Variants in ATP6V1D observed in about 807,000 individuals in gnomAD.
The protein encoded by ATP6V1D is ATPase H+ transporting V1 subunit D.
ATP6V1D carries 20 observed loss-of-function variants against 39.4 expected under a neutral mutation model. The ratio of observed to expected loss-of-function variants is 0.51; its 90% CI spans 0.36 to 0.74. The LOEUF (loss-of-function observed/expected upper bound fraction) is 0.74. ATP6V1D is among the 30% of genes least tolerant of loss of function. The pLI, the probability that ATP6V1D is intolerant of heterozygous loss-of-function variation, is 0.00. For synonymous variants in ATP6V1D, 100 were observed against 100.5 expected (o/e 0.99, Z 0.03); for missense variants, 228 against 291.6 (o/e 0.78, Z 1.59).
At chr14:67,348,418 G>T (rs1194249490) in intron 4 of ATP6V1D, among the ~76,000 whole-genome samples, 1 of 151,726 alleles carries the variant, frequency 6.6e-6, no homozygotes, top group Admixed American at 6.6e-5. Flanking sequence ...TGTTGGCCAG[G>T]CTGGTCTCGA....
At chr14:67,345,911 A>G (rs1252334333) in intron 5 of ATP6V1D, 40 bp from the exon 6 acceptor site, 1 of 1,291,458 alleles carries the variant, frequency 7.7e-7, no homozygotes, top group South Asian at 1.2e-5. Context: ...ATTAGAGTAA[A>G]ATATCTTCCC....
At position 67,340,512 on chromosome 14, in the gene ATP6V1D, A is replaced by G; in HGVS notation, c.530T>C (p.Ile177Thr). Residue 177 changes from isoleucine to threonine, a missense_variant, in exon 8 of 9, where the codon ATT (isoleucine) becomes ACT (threonine). This residue lies in a region of ATP6V1D where 114 missense variants were observed against 128.3 expected (regional missense o/e 0.89). Coordinates refer to ENST00000216442, the MANE Select transcript of ATP6V1D (RefSeq NM_015994.4). ...RRVNAIEHVIIPRIERTLAYI... is the reference protein window; with the variant it reads ...RRVNAIEHVITPRIERTLAYI... Reference sequence around the variant, plus strand: ...AGCAAGAGTACGTTCAATCCGGGGAATGATGACTAGAATAAAAAAAAAAAT... The same window carrying G: ...AGCAAGAGTACGTTCAATCCGGGGAGTGATGACTAGAATAAAAAAAAAAAT... The G allele has an allele frequency of 6.3e-7, 1 of 1,590,502 alleles. No homozygotes were observed. Among genetic ancestry groups the G allele is most frequent in the Non-Finnish European group, 8.5e-7 (1 of 1,175,978 alleles).
At position 67,338,302 on chromosome 14, in the gene ATP6V1D, A is replaced by G. The variant is rs138080705; in HGVS notation, c.*319T>C. On this transcript the variant is annotated 3_prime_UTR_variant, in exon 9 of 9. Transcript: ENST00000216442. ...CACAGTAATTGGCCTGAGACCGCTA[A>G]TGCTTCCTAAGAGGTATTTCCTAAT... 226 of 193,290 alleles carry G rather than the reference A, an allele frequency of 1.2e-3. No individual in the cohort carries two copies. Among genetic ancestry groups the G allele is most frequent in the African/African-American group, 5.0e-3 (216 of 43,138 alleles). 12.0% of individuals were successfully genotyped at this position (193,290 alleles called of 1,614,324 possible).
chr14:67,342,085 A>G (rs1595633675), intron 7 of ATP6V1D, among the ~76,000 whole-genome samples: 1 of 151,950 alleles, frequency 6.6e-6, no homozygotes, highest in Admixed American at 6.6e-5. Context: ...AAAACCAGAG[A>G]CCTTTGTTCA....
chr14:67,338,887 AATTTC>A, intron 8 of ATP6V1D, 125 bp from the exon 9 acceptor site: 1 of 738,294 alleles, frequency 1.4e-6, no homozygotes, highest in Non-Finnish European at 2.0e-6. Context: ...TACTTTTATT[AATTTC>A]ATTTTCAGTA....
intron 1 of ATP6V1D, among the ~76,000 whole-genome samples, chr14:67,356,215 T>C (rs954726895): frequency 6.6e-6 from 1 of 151,772 alleles, no homozygotes; most frequent in Non-Finnish European, 1.5e-5. Context: ...AGGTCAGGAG[T>C]TCGAGACCAC....
intron 7 of ATP6V1D, 139 bp from the exon 8 acceptor site, chr14:67,340,657 A>T (rs2085573479): frequency 1.4e-6 from 1 of 713,184 alleles, no homozygotes; most frequent in South Asian, 1.8e-5. Flanking sequence ...GGAAAATAAA[A>T]ACACAAAGAA....
chr14:67,349,165 C>T (rs1327271249), intron 3 of ATP6V1D, 61 bp from the exon 4 acceptor site: 1 of 1,488,256 alleles, frequency 6.7e-7, no homozygotes, highest in Non-Finnish European at 9.3e-7. Context: ...TACAGGGACC[C>T]ACTGGATAGT....
chr14:67,353,104 C>G (rs998062379), intron 1 of ATP6V1D, 64 bp from the exon 2 acceptor site: 2 of 1,249,068 alleles, frequency 1.6e-6, no homozygotes, highest in Non-Finnish European at 2.3e-6. Flanking sequence ...AAAAAACCCT[C>G]CCCACCAGTG....
chr14:67,356,131 C>T (rs1204075006), intron 1 of ATP6V1D, among the ~76,000 whole-genome samples: 1 of 151,936 alleles, frequency 6.6e-6, no homozygotes, highest in Non-Finnish European at 1.5e-5. Context: ...TACTAATAAA[C>T]TTTTTTGGCC....
At chr14:67,347,056 A>G (rs899122144) in intron 5 of ATP6V1D, among the ~76,000 whole-genome samples, 9 of 151,908 alleles carry the variant, frequency 5.9e-5, no homozygotes, top group African/African-American at 1.7e-4. Flanking sequence ...GCGTGATCAG[A>G]ACTCGCTGCA....
At chr14:67,358,875 G>T (rs1254019074) in intron 1 of ATP6V1D, among the ~76,000 whole-genome samples, 1 of 152,210 alleles carries the variant, frequency 6.6e-6, no homozygotes, top group Non-Finnish European at 1.5e-5. Flanking sequence ...GCCCACAACT[G>T]AGCGTATTCC....
rs1443570251 is a variant in ATP6V1D, at chr14:67,337,908, G to C, written c.*713C>G. The C allele has an allele frequency of 2.0e-5, 3 of 152,122 alleles. No individual in the cohort carries two copies. Among genetic ancestry groups the C allele is most frequent in the South Asian group, 2.1e-4 (1 of 4,826 alleles). 9.4% of individuals were successfully genotyped at this position (152,122 alleles called of 1,614,324 possible). A position where few individuals can be genotyped will look rare whatever the true frequency, so the allele number is the denominator to read the frequency against. ...CAATCATTTATTAGTACCCCAAAAT[G>C]CAACAGTTGTCTCAAAAGTAAGCCT... On this transcript the variant is annotated 3_prime_UTR_variant, in exon 9 of 9. Coordinates refer to ENST00000216442, the MANE Select transcript of ATP6V1D (RefSeq NM_015994.4).
At position 67,359,767 on chromosome 14, in the gene ATP6V1D, C is replaced by G. The variant is rs2085717232; in HGVS notation, c.-69G>C. The G allele has an allele frequency of 1.5e-5, 23 of 1,575,388 alleles. No homozygotes were observed. The highest frequency in any genetic ancestry group is 1.9e-5 in the Non-Finnish European group (22 of 1,147,998). On this transcript the variant is annotated 5_prime_UTR_variant, in exon 1 of 9. Coordinates refer to ENST00000216442, the MANE Select transcript of ATP6V1D (RefSeq NM_015994.4). ...AGGCTGCAATAGCTCCAGAACTGGC[C>G]TCCACAGTGTCTTCCTCTACGGGAG...
chr14:67,340,863 A>AC (rs1566595959), intron 7 of ATP6V1D, among the ~76,000 whole-genome samples: 1 of 152,034 alleles, frequency 6.6e-6, no homozygotes, highest in Non-Finnish European at 1.5e-5. Context: ...TTTGGTGGAG[A>AC]CGGGGTTTCG....
chr14:67,359,534 G>A (rs1266917045), intron 1 of ATP6V1D, 124 bp downstream of exon 1: 4 of 1,112,760 alleles, frequency 3.6e-6, no homozygotes, highest in East Asian at 5.0e-5. Context: ...CTCAAGAAAA[G>A]AACCTGGGAA....
At position 67,352,735 on chromosome 14, in the gene ATP6V1D, G is replaced by A. The variant is rs182472929; in HGVS notation, c.159+188C>T. The A allele has an allele frequency of 4.3e-5, 22 of 508,872 alleles. No homozygotes were observed. In the Admixed American group the frequency reaches 5.3e-4, roughly 12 times the overall value. 31.5% of individuals were successfully genotyped at this position (508,872 alleles called of 1,614,324 possible). ...CAATCAGATCAAGTGGAGCTTTGCA[G>A]GCAAGATTAAAGAGTTTGGATTTTA... On this transcript the variant is annotated intron_variant, in intron 2 of 8. Transcript: ENST00000216442.
chr14:67,353,162 G>A, intron 1 of ATP6V1D, 122 bp from the exon 2 acceptor site: 2 of 710,682 alleles, frequency 2.8e-6, no homozygotes, highest in Non-Finnish European at 4.6e-6. Context: ...AGACTATATA[G>A]AGAATTTGTA....
chr14:67,349,800 T>C (rs2085644561), intron 3 of ATP6V1D, among the ~76,000 whole-genome samples: 2 of 152,208 alleles, frequency 1.3e-5, no homozygotes, highest in Non-Finnish European at 2.9e-5. Context: ...CTCCACCCTC[T>C]GCTAGAAAAT....
Sources: gnomAD v4.1 joint callset for allele counts (sites outside exome capture counted in the v4.1 genomes callset) on GRCh38, gnomAD v4.1.1 for gene constraint, gnomAD v4.1.1 regional missense constraint, MANE v1.5 for transcripts, NCBI Gene and HGNC (gene_info 2026-07-23, HGNC 2026-07-21) for gene names.